The following XPR1 variants were observed in gnomAD, a reference collection of about 807,000 sequenced individuals.
The protein encoded by XPR1 is solute carrier family 53 member 1.
A neutral mutation model predicts 87.5 loss-of-function variants in XPR1; 28 were observed. The ratio of observed to expected loss-of-function variants is 0.32; its 90% CI spans 0.24 to 0.44. The LOEUF is 0.44. XPR1 is among the 20% of genes least tolerant of loss of function. The pLI, the probability that XPR1 is intolerant of heterozygous loss-of-function variation, is 1.00. For synonymous variants in XPR1, 300 were observed against 306.1 expected (o/e 0.98, Z 0.21); for missense variants, 559 against 862.3 (o/e 0.65, Z 4.41).
intron 2 of XPR1, among the ~76,000 whole-genome samples, chr1:180,772,043 T>G (rs1648535744): frequency 6.6e-6 from 1 of 152,304 alleles, no homozygotes; most frequent in Non-Finnish European, 1.5e-5. Flanking sequence ...TCTTCTACAT[T>G]TATTAATTAG....
At chr1:180,669,080 ACT>A (rs557578295) in intron 1 of XPR1, among the ~76,000 whole-genome samples, 145 of 150,960 alleles carry the variant, frequency 9.6e-4, no homozygotes, top group African/African-American at 2.9e-3. Context: ...CAAGAGCGAA[ACT>A]CTGTCTAAAA....
intron 11 of XPR1, among the ~76,000 whole-genome samples, chr1:180,861,703 C>A (rs2102204786): frequency 6.6e-6 from 1 of 152,070 alleles, no homozygotes; most frequent in African/African-American, 2.4e-5. Context: ...AATTTCTTTC[C>A]CTACCACTGC....
intron 11 of XPR1, among the ~76,000 whole-genome samples, chr1:180,849,602 A>G (rs886519694): frequency 6.6e-6 from 1 of 152,234 alleles, no homozygotes; most frequent in African/African-American, 2.4e-5. Flanking sequence ...GAGCAAATAT[A>G]GAGACAAATA....
intron 2 of XPR1, among the ~76,000 whole-genome samples, chr1:180,729,300 CAT>C (rs1352239867): frequency 6.6e-6 from 1 of 152,172 alleles, no homozygotes; most frequent in African/African-American, 2.4e-5. Context: ...CTGCGATTAA[CAT>C]ATGTGTGCAT....
At chr1:180,851,942 C>A (rs1351827224) in intron 11 of XPR1, among the ~76,000 whole-genome samples, 1 of 151,368 alleles carries the variant, frequency 6.6e-6, no homozygotes, top group Non-Finnish European at 1.5e-5. Context: ...TCAGTCACAT[C>A]CAGTTTTATT....
intron 11 of XPR1, among the ~76,000 whole-genome samples, chr1:180,859,366 G>A (rs1425776695): frequency 6.6e-6 from 1 of 152,052 alleles, no homozygotes; most frequent in African/African-American, 2.4e-5. Context: ...ATTATGCTGC[G>A]AATGTGGCAG....
At chr1:180,790,562 C>T (rs979865580) in intron 3 of XPR1, among the ~76,000 whole-genome samples, 11 of 152,026 alleles carry the variant, frequency 7.2e-5, no homozygotes, top group African/African-American at 9.7e-5. Flanking sequence ...TTTTTTGAGA[C>T]GGAGTCTCAC....
In XPR1 at chr1:180,762,505, G is replaced by A. The variant is rs1445448052; in HGVS notation, c.122-25248G>A. On this transcript the variant is annotated intron_variant, in intron 2 of 14. Transcript: ENST00000367590. Reference sequence around the variant, plus strand: ...GTGAATACATGCCATTTAATGGTATGCTGTTCATAAAACAAGCAAAGATCT... The same window carrying A: ...GTGAATACATGCCATTTAATGGTATACTGTTCATAAAACAAGCAAAGATCT... Among the ~76,000 whole-genome samples the A allele has an allele frequency of 2.0e-5, 3 of 152,142 alleles. No individual in the cohort carries two copies. The East Asian group carries it at 5.8e-4, about 29-fold the overall frequency.
intron 2 of XPR1, among the ~76,000 whole-genome samples, chr1:180,724,242 G>T (rs1658264692): frequency 6.6e-6 from 1 of 152,128 alleles, no homozygotes; most frequent in Non-Finnish European, 1.5e-5. Flanking sequence ...TCTAGAGGAG[G>T]TGACCTTTGA....
intron 2 of XPR1, among the ~76,000 whole-genome samples, chr1:180,726,878 C>CTT (rs57684804): frequency 6.3e-5 from 9 of 142,782 alleles, no homozygotes; most frequent in Non-Finnish European, 7.7e-5. Flanking sequence ...TGTTTTCTTT[C>CTT]TTTTTTTTTT....
chr1:180,656,370 T>TTA (rs1200387571), intron 1 of XPR1, among the ~76,000 whole-genome samples: 11 of 107,758 alleles, frequency 1.0e-4, no homozygotes, highest in Non-Finnish European at 1.8e-4. Context: ...TATATAATAT[T>TTA]TATATATAAT....
intron 3 of XPR1, among the ~76,000 whole-genome samples, chr1:180,792,851 T>C (rs1358567248): frequency 6.6e-6 from 1 of 152,094 alleles, no homozygotes; most frequent in Non-Finnish European, 1.5e-5. Context: ...CAGTTTGCCT[T>C]TTCTCTTTAT....
chr1:180,775,441 G>T (rs1232446148), intron 2 of XPR1, among the ~76,000 whole-genome samples: 5 of 151,742 alleles, frequency 3.3e-5, no homozygotes, highest in African/African-American at 4.8e-5. Context: ...AAAAAAAATT[G>T]AAAAAAAGAC....
At chr1:180,875,686 C>T (rs1032839642) in intron 13 of XPR1, among the ~76,000 whole-genome samples, 1 of 151,558 alleles carries the variant, frequency 6.6e-6, no homozygotes, top group African/African-American at 2.4e-5. Context: ...CAGCAAATCC[C>T]AAAAGAAAGT....
intron 2 of XPR1, among the ~76,000 whole-genome samples, chr1:180,685,564 C>A (rs568419387): frequency 0.043 from 6,540 of 152,154 alleles, 504 homozygotes; most frequent in African/African-American, 0.15. Flanking sequence ...AGGAATGGTA[C>A]CAGCTCCTCT....
At chr1:180,875,880 CATTT>C (rs1309696813) in intron 13 of XPR1, among the ~76,000 whole-genome samples, 15 of 151,928 alleles carry the variant, frequency 9.9e-5, no homozygotes, top group African/African-American at 3.4e-4. Flanking sequence ...AACCTAAAGA[CATTT>C]ATTTAAAGAG....
At chr1:180,696,819 C>T (rs1657191281) in intron 2 of XPR1, among the ~76,000 whole-genome samples, 1 of 152,188 alleles carries the variant, frequency 6.6e-6, no homozygotes, top group African/African-American at 2.4e-5. Flanking sequence ...GCCATCCTTG[C>T]ATCCCTGGGA....
At chr1:180,822,968 G>A (rs996825799) in intron 7 of XPR1, among the ~76,000 whole-genome samples, 1 of 152,158 alleles carries the variant, frequency 6.6e-6, no homozygotes, top group African/African-American at 2.4e-5. Flanking sequence ...GGCTGGGCAT[G>A]GTGGCTCACT....
intron 1 of XPR1, among the ~76,000 whole-genome samples, chr1:180,676,355 G>T (rs1403461261): frequency 6.6e-6 from 1 of 152,140 alleles, no homozygotes; most frequent in Non-Finnish European, 1.5e-5. Flanking sequence ...AGAAGTGGAA[G>T]AACTTCATTC....
Sources: allele counts gnomAD v4.1 joint callset (sites outside exome capture counted in the v4.1 genomes callset), GRCh38; gene constraint gnomAD v4.1.1; transcripts MANE v1.5; gene names NCBI Gene and HGNC (gene_info 2026-07-23, HGNC 2026-07-21).